The following NMNAT2 variants were observed in gnomAD, a reference collection of about 807,000 sequenced individuals.
NMNAT2 encodes the protein nicotinamide nucleotide adenylyltransferase 2, also known as nicotinamide/nicotinic acid mononucleotide adenylyltransferase 2.
In NMNAT2, 11 loss-of-function variants were observed where a neutral mutation model predicts 41.6. The observed-to-expected ratio is 0.26, with a 90% confidence interval of 0.17 to 0.44. The LOEUF (loss-of-function observed/expected upper bound fraction) is 0.44. NMNAT2 is among the 20% of genes least tolerant of loss of function. NMNAT2 has a pLI of 1.00. For missense variants in NMNAT2, 288 were observed against 407.7 expected, an observed-to-expected ratio of 0.71 and a Z score of 2.53; for synonymous variants, 148 against 151.2, an observed-to-expected ratio of 0.98 and a Z score of 0.16.
intron 1 of NMNAT2, among the ~76,000 whole-genome samples, chr1:183,396,292 C>A (rs1309358646): frequency 6.6e-6 from 1 of 152,114 alleles, no homozygotes; most frequent in Non-Finnish European, 1.5e-5. Context: ...TGTCAGGCAA[C>A]AATCAGGTGA....
rs970077797 is a variant in NMNAT2, at chr1:183,250,778, A to G, written c.*1863T>C. 1.3e-5 allele frequency: 2 copies of G among 152,670 alleles called. No individual in the cohort carries two copies. Among genetic ancestry groups the G allele is most frequent in the African/African-American group, 4.8e-5 (2 of 41,458 alleles). 9.5% of individuals were successfully genotyped at this position (152,670 alleles called of 1,614,324 possible). A position where few individuals can be genotyped will look rare whatever the true frequency, so the allele number is the denominator to read the frequency against. On this transcript the variant is annotated 3_prime_UTR_variant, in exon 11 of 11. Coordinates refer to ENST00000287713, the MANE Select transcript of NMNAT2 (RefSeq NM_015039.4). Reference sequence around the variant, plus strand: ...GATTATTTCAAAAAATCCAAGAGGAATAACAGACTTTCTGGATGCTGCTCT... The same window carrying G: ...GATTATTTCAAAAAATCCAAGAGGAGTAACAGACTTTCTGGATGCTGCTCT...
In NMNAT2 at chr1:183,401,769, C is replaced by A. The variant is rs556826490; in HGVS notation, c.85+16414G>T. Among the ~76,000 whole-genome samples, 14 of 152,206 alleles carry A rather than the reference C, an allele frequency of 9.2e-5. No homozygotes were observed. In the South Asian group the frequency reaches 2.7e-3, roughly 29 times the overall value. On this transcript the variant is annotated intron_variant, in intron 1 of 10. Transcript: ENST00000287713. ...GATGAGTTCATGTCCTTTGTAGGGA[C>A]ATGGAAGAAGCTGGAAACTATCATT...
intron 1 of NMNAT2, among the ~76,000 whole-genome samples, chr1:183,399,344 C>T (rs1648744729): frequency 6.6e-6 from 1 of 152,142 alleles, no homozygotes; most frequent in South Asian, 2.1e-4. Context: ...CATATACACC[C>T]TCCCAAGACT....
intron 1 of NMNAT2, among the ~76,000 whole-genome samples, chr1:183,342,240 A>G (rs1662835837): frequency 6.6e-6 from 1 of 151,972 alleles, no homozygotes; most frequent in Non-Finnish European, 1.5e-5. Context: ...CTGTAATCCC[A>G]GCACTTTTGG....
At position 183,249,192 on chromosome 1, in the gene NMNAT2, C is replaced by G. The variant is rs200966081; in HGVS notation, c.*3449G>C. On this transcript the variant is annotated 3_prime_UTR_variant, in exon 11 of 11. Transcript: ENST00000287713. ...GGCACTTCAGTAAGAGACTTTCCCC[C>G]TTGTTCCTATGTACATTCAAGGAAA... The G allele has an allele frequency of 1.3e-5, 2 of 152,218 alleles. No homozygotes were observed. The highest frequency in any genetic ancestry group is 2.9e-5 in the Non-Finnish European group (2 of 68,070). The allele number at this position is 152,218 out of a possible 1,614,324, so 9.4% of individuals were successfully genotyped here. A position where few individuals can be genotyped will look rare whatever the true frequency, so the allele number is the denominator to read the frequency against.
chr1:183,363,579 T>TACAC (rs146304060), intron 1 of NMNAT2, among the ~76,000 whole-genome samples: 6,707 of 147,520 alleles, frequency 0.045, 359 homozygotes, highest in African/African-American at 0.12. Context: ...CACACACACA[T>TACAC]ACACACACAC....
intron 1 of NMNAT2, among the ~76,000 whole-genome samples, chr1:183,340,411 C>T (rs1662771363): frequency 6.6e-6 from 1 of 151,206 alleles, no homozygotes; most frequent in Admixed American, 6.6e-5. Context: ...CAATCTACAC[C>T]TCCTGGGTTC....
chr1:183,264,265 G>A (rs1212752345), intron 8 of NMNAT2, among the ~76,000 whole-genome samples: 3 of 151,948 alleles, frequency 2.0e-5, no homozygotes, highest in Non-Finnish European at 4.4e-5. Flanking sequence ...AGTCCTCATG[G>A]GGGAATCGCC....
intron 8 of NMNAT2, among the ~76,000 whole-genome samples, chr1:183,264,314 G>A (rs1477138468): frequency 6.6e-6 from 1 of 152,020 alleles, no homozygotes; most frequent in Non-Finnish European, 1.5e-5. Context: ...TCTCCACTCA[G>A]TACCTAATGA....
At chr1:183,345,523 G>C (rs1471210418) in intron 1 of NMNAT2, among the ~76,000 whole-genome samples, 3 of 151,976 alleles carry the variant, frequency 2.0e-5, no homozygotes, top group African/African-American at 7.3e-5. Context: ...TTTATAAGAA[G>C]GGGAAGAGAG....
chr1:183,341,725 C>CAAAAAAAAAAAAAAA lies in NMNAT2; in HGVS notation c.86-47947_86-47933dup, dbSNP rs762935303. ...GAGGAAAAGACAAACAAACAAACAC[C>CAAAAAAAAAAAAAAA]AAAAAAAAAAAAAAAAAAAAAACCT... is the stretch of plus-strand genomic sequence containing the variant. On this transcript the variant is annotated intron_variant, in intron 1 of 10. Coordinates refer to ENST00000287713, the MANE Select transcript of NMNAT2 (RefSeq NM_015039.4). Among the ~76,000 whole-genome samples the CAAAAAAAAAAAAAAA allele has an allele frequency of 1.9e-3, 42 of 22,206 alleles. 3 individuals carry two copies. Among genetic ancestry groups the CAAAAAAAAAAAAAAA allele is most frequent in the African/African-American group, 4.2e-3 (26 of 6,240 alleles). 14.6% of individuals were successfully genotyped at this position (22,206 alleles called of 152,430 possible). A position where few individuals can be genotyped will look rare whatever the true frequency, so the allele number is the denominator to read the frequency against.
chr1:183,252,693 G>T lies in NMNAT2; in HGVS notation c.872C>A (p.Pro291Gln), dbSNP rs759737274. Residue 291 changes from proline (P) to glutamine (Q), a missense_variant, in exon 11 of 11, where the codon CCG becomes CAG. Around this residue, in one of 3 missense-constraint regions of NMNAT2, gnomAD observed 7 missense variants for 25.4 expected, o/e 0.28. Coordinates refer to ENST00000287713, the MANE Select transcript of NMNAT2 (RefSeq NM_015039.4). ...GCTTTTGAGGATGTAGTCGATGACC[G>T]GCTGGGACAGGTAATCCACAACATG... Reference protein sequence around the residue: ...DGHVVDYLSQPVIDYILKSQL... With the variant: ...DGHVVDYLSQQVIDYILKSQL... 6.2e-7 allele frequency: 1 copy of T among 1,613,982 alleles called. No individual in the cohort carries two copies. Among genetic ancestry groups the T allele is most frequent in the Non-Finnish European group, 8.5e-7 (1 of 1,179,998 alleles).
chr1:183,286,632 T>G, intron 5 of NMNAT2, 30 bp downstream of exon 5: 1 of 1,577,412 alleles, frequency 6.3e-7, no homozygotes, highest in Non-Finnish European at 8.6e-7. Context: ...GATTCTGAGG[T>G]CTGAGAATCA....
At chr1:183,265,027 AC>A (rs1326151232) in intron 8 of NMNAT2, among the ~76,000 whole-genome samples, 2 of 152,168 alleles carry the variant, frequency 1.3e-5, no homozygotes, top group African/African-American at 4.8e-5. Context: ...TTAAAAGCAC[AC>A]TAAAGGCTTC....
intron 8 of NMNAT2, among the ~76,000 whole-genome samples, chr1:183,263,623 G>A (rs370778514): frequency 6.6e-6 from 1 of 152,180 alleles, no homozygotes; most frequent in African/African-American, 2.4e-5. Flanking sequence ...TCGAGACCAC[G>A]GTGAAACCCT....
chr1:183,417,618 C>G (rs962461502), intron 1 of NMNAT2, among the ~76,000 whole-genome samples: 1 of 152,178 alleles, frequency 6.6e-6, no homozygotes, highest in African/African-American at 2.4e-5. Context: ...CCACAATTCC[C>G]AAACACTGGT....
chr1:183,353,014 C>CT (rs1031876859), intron 1 of NMNAT2, among the ~76,000 whole-genome samples: 364 of 149,414 alleles, frequency 2.4e-3, no homozygotes, highest in African/African-American at 7.9e-3. Flanking sequence ...AATACATTCT[C>CT]TTTTTTTTTT....
chr1:183,335,093 G>A, intron 1 of NMNAT2, among the ~76,000 whole-genome samples: 1 of 152,156 alleles, frequency 6.6e-6, no homozygotes, highest in East Asian at 1.9e-4. Context: ...TACCTTACAG[G>A]TATCTCCTCA....
chr1:183,316,952 C>T (rs768452322), intron 1 of NMNAT2, among the ~76,000 whole-genome samples: 3 of 152,202 alleles, frequency 2.0e-5, no homozygotes, highest in Non-Finnish European at 4.4e-5. Flanking sequence ...CCCCCATGCC[C>T]TCAGCTAGTT....
Sources: allele counts gnomAD v4.1 joint callset (sites outside exome capture counted in the v4.1 genomes callset), GRCh38; gene constraint gnomAD v4.1.1; regional missense constraint gnomAD v4.1.1; transcripts MANE v1.5; gene names NCBI Gene and HGNC (gene_info 2026-07-23, HGNC 2026-07-21).